The following ZFAT variants were observed in gnomAD, a reference collection of about 807,000 sequenced individuals.
ZFAT encodes zinc finger protein ZFAT.
In ZFAT, 64 loss-of-function variants were observed where a neutral mutation model predicts 117.7. That is an observed-to-expected ratio of 0.54 (90% CI 0.44 to 0.67). ZFAT has a LOEUF of 0.67. ZFAT is among the 30% of genes least tolerant of loss of function. ZFAT has a pLI of 0.00. For synonymous variants in ZFAT, 679 were observed against 615.0 expected (o/e 1.10, Z -1.54); for missense variants, 1,433 against 1,584.5 (o/e 0.90, Z 1.62).
chr8:134,619,745 T>C (rs1395026106), intron 3 of ZFAT, among the ~76,000 whole-genome samples: 1 of 152,198 alleles, frequency 6.6e-6, no homozygotes, highest in Non-Finnish European at 1.5e-5. Context: ...CTCAGGACGC[T>C]GCACATGCCA....
At chr8:134,756,991 C>A in the ZFAT span, among the ~76,000 whole-genome samples, 2 of 151,382 alleles carry the variant, frequency 1.3e-5, no homozygotes, top group South Asian at 4.2e-4. Flanking sequence ...CTCCCTCTGC[C>A]CATTCCCACC....
rs893717913 is a variant in ZFAT at position 134,478,261 on chromosome 8, G to T, written c.*221C>A. On this transcript the variant is annotated 3_prime_UTR_variant, in exon 16 of 16. Transcript: ENST00000377838. The surrounding 1 kb of genome is among the most constrained non-coding windows in gnomAD (Gnocchi z 5.2). The stretch of plus-strand genomic sequence containing the variant: ...AGGAAGCAGATGGTAAGGGTCAGGG[G>T]GTGTGTGTCTATGCTGGGGTGAGGG... The T allele has an allele frequency of 3.3e-6, 2 of 609,986 alleles. No individual in the cohort carries two copies. The highest frequency in any genetic ancestry group is 1.9e-5 in the African/African-American group (1 of 54,024). The allele number at this position is 609,986 out of a possible 1,614,324, so 37.8% of individuals were successfully genotyped here.
intron 11 of ZFAT, 198 bp downstream of exon 11, chr8:134,565,135 C>G: frequency 6.6e-7 from 1 of 1,523,034 alleles, no homozygotes; most frequent in Non-Finnish European, 8.8e-7. Context: ...TTCCAAATTA[C>G]AGAGCAATGC....
At chr8:134,665,060 C>T (rs1272316610) in intron 1 of ZFAT, among the ~76,000 whole-genome samples, 1 of 152,252 alleles carries the variant, frequency 6.6e-6, no homozygotes, top group African/African-American at 2.4e-5. Flanking sequence ...CAGCCAAGAA[C>T]AGCCAGGTCC....
chr8:134,749,324 G>T, the ZFAT span, among the ~76,000 whole-genome samples: 2 of 152,028 alleles, frequency 1.3e-5, no homozygotes, highest in Non-Finnish European at 2.9e-5. Context: ...TCTTAGACTG[G>T]GTAATTTATA....
chr8:134,571,550 A>G (rs1053188664), intron 10 of ZFAT, among the ~76,000 whole-genome samples: 4 of 150,046 alleles, frequency 2.7e-5, no homozygotes, highest in African/African-American at 9.7e-5. Flanking sequence ...CAGTGAATGT[A>G]TGACTATGAA....
At chr8:134,708,358 CTGA>C (rs767869888) in intron 1 of ZFAT, among the ~76,000 whole-genome samples, 5 of 152,072 alleles carry the variant, frequency 3.3e-5, no homozygotes, top group African/African-American at 4.8e-5. Context: ...ACTATTTGAG[CTGA>C]TGGATATGTT....
At chr8:134,515,843 T>C (rs1379919310) in intron 13 of ZFAT, among the ~76,000 whole-genome samples, 3 of 152,190 alleles carry the variant, frequency 2.0e-5, no homozygotes, top group African/African-American at 7.2e-5. Flanking sequence ...CTGAAATCAT[T>C]ATTTGCCCCA....
chr8:134,495,904 T>C (rs746560315), intron 15 of ZFAT, among the ~76,000 whole-genome samples: 3 of 152,108 alleles, frequency 2.0e-5, no homozygotes, highest in Non-Finnish European at 2.9e-5. Flanking sequence ...TACTCCAGCC[T>C]TGGTGACAGA....
the ZFAT span, among the ~76,000 whole-genome samples, chr8:134,826,243 C>A: frequency 6.6e-6 from 1 of 152,158 alleles, no homozygotes; most frequent in African/African-American, 2.4e-5. Flanking sequence ...AAATAAATTA[C>A]ATCACCTGCT....
chr8:134,480,124 A>G (rs996908981), intron 15 of ZFAT, among the ~76,000 whole-genome samples: 4 of 151,988 alleles, frequency 2.6e-5, no homozygotes, highest in South Asian at 2.1e-4. Flanking sequence ...ACCACACCCA[A>G]TGAATTTTTG....
At chr8:134,585,076 C>G (rs140052283) in intron 9 of ZFAT, among the ~76,000 whole-genome samples, 39 of 152,256 alleles carry the variant, frequency 2.6e-4, no homozygotes, top group African/African-American at 9.1e-4. Flanking sequence ...TGCCCTTGAA[C>G]TTATGTTTGG....
the ZFAT span, among the ~76,000 whole-genome samples, chr8:134,729,515 A>T: frequency 4.4e-4 from 67 of 152,198 alleles, no homozygotes; most frequent in African/African-American, 1.6e-3. Context: ...TTGTATTTTT[A>T]GTAGAGATGG....
At chr8:134,585,745 C>T (rs1826025537) in intron 9 of ZFAT, among the ~76,000 whole-genome samples, 1 of 152,164 alleles carries the variant, frequency 6.6e-6, no homozygotes, top group Non-Finnish European at 1.5e-5. Context: ...ACATGGCATT[C>T]ACCCCAAGGC....
chr8:134,602,806 T>G lies in ZFAT; in HGVS notation c.913A>C (p.Ser305Arg). The G allele has an allele frequency of 6.2e-7, 1 of 1,614,226 alleles. No individual in the cohort carries two copies. The highest frequency in any genetic ancestry group is 2.2e-5 in the East Asian group (1 of 44,882). Residue 305 changes from serine to arginine, a missense_variant, in exon 6 of 16, where the codon AGC (serine) becomes CGC (arginine). Ser to Arg is a moderately radical substitution (Grantham distance 110). Around this residue, in one of 5 missense-constraint regions of ZFAT, gnomAD observed 436 missense variants for 482.0 expected, o/e 0.90. Coordinates refer to ENST00000377838, the MANE Select transcript of ZFAT (RefSeq NM_020863.4). The part of the protein sequence containing the change: ...NEKPYKCPQC[S>R]YASAIKANLN... Reference sequence around the variant, plus strand: ...TTGGCCTTGATGGCACTGGCATAGCTGCACTGGGGGCACTTGTATGGCTTT... The same window carrying G: ...TTGGCCTTGATGGCACTGGCATAGCGGCACTGGGGGCACTTGTATGGCTTT...
chr8:134,590,372 C>T lies in ZFAT; in HGVS notation c.2476-17G>A. 1 of 1,585,322 alleles carries T rather than the reference C, an allele frequency of 6.3e-7. No homozygotes were observed. Among genetic ancestry groups the T allele is most frequent in the South Asian group, 1.1e-5 (1 of 89,426 alleles). On this transcript the variant is annotated splice_polypyrimidine_tract_variant and intron_variant, in intron 7 of 15. Coordinates refer to ENST00000377838, the MANE Select transcript of ZFAT (RefSeq NM_020863.4). ...CCTTTTGTCCTTAATAGAAAGAGAA[C>T]ATAATCAGTTGACTTTCTCATTTAA...
At chr8:134,684,960 G>A (rs1265919672) in intron 1 of ZFAT, among the ~76,000 whole-genome samples, 1 of 152,180 alleles carries the variant, frequency 6.6e-6, no homozygotes, top group African/African-American at 2.4e-5. Context: ...GAGTTTCCAC[G>A]TGTCAGCCAT....
the ZFAT span, among the ~76,000 whole-genome samples, chr8:134,799,163 C>T: frequency 6.6e-6 from 1 of 152,102 alleles, no homozygotes; most frequent in Non-Finnish European, 1.5e-5. Context: ...AAACAGCACT[C>T]ACCTTCAACA....
the ZFAT span, among the ~76,000 whole-genome samples, chr8:134,781,017 T>A: frequency 6.6e-6 from 1 of 152,192 alleles, no homozygotes; most frequent in Non-Finnish European, 1.5e-5. Context: ...TTTTTAAAGA[T>A]AAGGTTTTGT....
Sources: allele counts gnomAD v4.1 joint callset (sites outside exome capture counted in the v4.1 genomes callset), GRCh38; gene constraint gnomAD v4.1.1; regional missense constraint gnomAD v4.1.1; non-coding constraint Gnocchi (gnomAD v3.1); transcripts MANE v1.5; gene names NCBI Gene and HGNC (gene_info 2026-07-23, HGNC 2026-07-21).